Variants in TMEM117 observed in about 807,000 individuals in gnomAD.
The protein encoded by TMEM117 is transmembrane protein 117.
A neutral mutation model predicts 52.4 loss-of-function variants in TMEM117; 27 were observed. That is an observed-to-expected ratio of 0.51 (90% CI 0.38 to 0.71). The LOEUF (loss-of-function observed/expected upper bound fraction) is 0.71, where lower values mean the gene tolerates loss of function less well. Among genes scored for constraint, TMEM117 ranks in the 30% least tolerant of loss-of-function variants. TMEM117 has a pLI of 0.00. For synonymous variants in TMEM117, 215 were observed against 206.3 expected, an observed-to-expected ratio of 1.04 and a Z score of -0.36; for missense variants, 556 against 630.5, an observed-to-expected ratio of 0.88 and a Z score of 1.26.
intron 3 of TMEM117, among the ~76,000 whole-genome samples, chr12:43,954,945 G>A (rs2137645524): frequency 6.6e-6 from 1 of 152,316 alleles, no homozygotes; most frequent in East Asian, 1.9e-4. Flanking sequence ...CCACGATCAA[G>A]TTGGCTTCGT....
At chr12:44,277,784 G>C (rs1354758873) in intron 5 of TMEM117, among the ~76,000 whole-genome samples, 2 of 26,914 alleles carry the variant, frequency 7.4e-5, no homozygotes, top group East Asian at 9.5e-4. Context: ...TTTTTTTTTT[G>C]ACAGAGTCCC....
intron 3 of TMEM117, among the ~76,000 whole-genome samples, chr12:44,054,531 A>C (rs1028506728): frequency 6.6e-6 from 1 of 152,182 alleles, no homozygotes; most frequent in Non-Finnish European, 1.5e-5. Context: ...CACATTTCAA[A>C]ACAGATGTCT....
intron 5 of TMEM117, among the ~76,000 whole-genome samples, chr12:44,281,598 C>G (rs1022882723): frequency 6.6e-6 from 1 of 152,090 alleles, no homozygotes; most frequent in Non-Finnish European, 1.5e-5. Context: ...TGTTCACTGC[C>G]ATTTGACAGC....
At chr12:43,921,992 C>T (rs1944702475) in intron 2 of TMEM117, among the ~76,000 whole-genome samples, 1 of 152,058 alleles carries the variant, frequency 6.6e-6, no homozygotes, top group Non-Finnish European at 1.5e-5. Flanking sequence ...TGAACTCTAC[C>T]ATAAAAGTCC....
At chr12:44,365,364 A>C (rs1770190882) in intron 6 of TMEM117, among the ~76,000 whole-genome samples, 1 of 152,018 alleles carries the variant, frequency 6.6e-6, no homozygotes, top group South Asian at 2.1e-4. Flanking sequence ...TTACAGATAT[A>C]ATTTAGCATC....
intron 3 of TMEM117, chr12:44,009,011 A>G (rs1251837317): frequency 5.5e-6 from 2 of 366,850 alleles, no homozygotes; most frequent in South Asian, 4.8e-5. Flanking sequence ...CTGGTACTTA[A>G]TAAGATCAGA....
chr12:44,311,199 A>G (rs147938286), intron 6 of TMEM117, among the ~76,000 whole-genome samples: 1 of 152,254 alleles, frequency 6.6e-6, no homozygotes, highest in African/African-American at 2.4e-5. Context: ...ATATGTATAT[A>G]CATATATGTA....
chr12:44,254,136 A>G (rs1247807840), intron 5 of TMEM117, among the ~76,000 whole-genome samples: 1 of 152,084 alleles, frequency 6.6e-6, no homozygotes, highest in Non-Finnish European at 1.5e-5. Flanking sequence ...TGAGAACTGT[A>G]AAAGATTTCT....
intron 2 of TMEM117, among the ~76,000 whole-genome samples, chr12:43,914,605 A>G (rs903063339): frequency 1.3e-5 from 2 of 152,160 alleles, no homozygotes; most frequent in Non-Finnish European, 2.9e-5. Context: ...ACAATGGGTT[A>G]CTTTTACTGT....
chr12:44,284,310 C>CA (rs1002158073), intron 5 of TMEM117, among the ~76,000 whole-genome samples: 54 of 145,596 alleles, frequency 3.7e-4, no homozygotes, highest in East Asian at 2.4e-3. Flanking sequence ...GACTCCGTCT[C>CA]AAAAAAAAAA....
intron 5 of TMEM117, among the ~76,000 whole-genome samples, chr12:44,257,668 A>G (rs995248094): frequency 1.1e-4 from 16 of 152,230 alleles, no homozygotes; most frequent in Admixed American, 4.6e-4. Flanking sequence ...AGCCAAATCA[A>G]CTACTCCAAC....
At chr12:44,322,171 G>C (rs1362410685) in intron 6 of TMEM117, among the ~76,000 whole-genome samples, 1 of 152,168 alleles carries the variant, frequency 6.6e-6, no homozygotes, top group African/African-American at 2.4e-5. Flanking sequence ...AACCAGCTCT[G>C]TCCATGGATA....
upstream of TMEM117, among the ~76,000 whole-genome samples, chr12:43,834,586 A>G (rs925381369): frequency 6.6e-6 from 1 of 152,266 alleles, no homozygotes; most frequent in African/African-American, 2.4e-5. Context: ...AGAGTTCTGT[A>G]AAATGATCAC....
chr12:43,919,764 G>A (rs758233627), intron 2 of TMEM117, among the ~76,000 whole-genome samples: 29 of 151,706 alleles, frequency 1.9e-4, no homozygotes, highest in Non-Finnish European at 2.9e-4. Context: ...TCAGTAGTGT[G>A]TAAGGATTCC....
intron 2 of TMEM117, among the ~76,000 whole-genome samples, chr12:43,888,084 G>A (rs1228300128): frequency 1.3e-5 from 2 of 152,160 alleles, no homozygotes; most frequent in African/African-American, 4.8e-5. Flanking sequence ...TCTAGGTGCA[G>A]AAAAACTAAG....
chr12:43,883,462 T>G (rs1943932634), intron 2 of TMEM117, among the ~76,000 whole-genome samples: 1 of 152,192 alleles, frequency 6.6e-6, no homozygotes, highest in Non-Finnish European at 1.5e-5. Flanking sequence ...TCTCATAATT[T>G]GGAATTACAT....
chr12:44,327,284 C>T (rs7958975), intron 6 of TMEM117, among the ~76,000 whole-genome samples: 6,606 of 152,094 alleles, frequency 0.043, 489 homozygotes, highest in African/African-American at 0.15. Flanking sequence ...ATAGTACATT[C>T]AGGTATAAAA....
chr12:44,153,656 A>C (rs1948786704), intron 4 of TMEM117, among the ~76,000 whole-genome samples: 1 of 152,044 alleles, frequency 6.6e-6, no homozygotes, highest in African/African-American at 2.4e-5. Context: ...TTTAAGATAG[A>C]TATTGCAGTT....
rs1951433405 is a variant in TMEM117 at position 44,342,677 on chromosome 12, A to T, written c.769-33918A>T. Among the ~76,000 whole-genome samples, 2 of 151,786 alleles carry T rather than the reference A, an allele frequency of 1.3e-5. 1 individual carries two copies. The highest frequency in any genetic ancestry group is 4.2e-4 in the South Asian group (2 of 4,818). ...AAAAAAGACTCATTAAATATCTAAC[A>T]GTGGGCAAGTTTGCAGGTTTGGTTA... is the stretch of plus-strand genomic sequence containing the variant. On this transcript the variant is annotated intron_variant, in intron 6 of 7. Transcript: ENST00000266534.
Sources: gnomAD v4.1 joint callset for allele counts (sites outside exome capture counted in the v4.1 genomes callset) on GRCh38, gnomAD v4.1.1 for gene constraint, MANE v1.5 for transcripts, NCBI Gene and HGNC (gene_info 2026-07-23, HGNC 2026-07-21) for gene names.